WDR87: variants seen among roughly 807,000 people sequenced by gnomAD.
WDR87 encodes WD repeat domain 87, also known as WD repeat-containing protein 87.
In WDR87, 56 loss-of-function variants were observed where a neutral mutation model predicts 83.3. The observed-to-expected ratio is 0.67, with a 90% confidence interval of 0.54 to 0.84. WDR87 has a LOEUF of 0.84. WDR87 is among the 40% of genes least tolerant of loss of function. The probability of loss-of-function intolerance (pLI) is 0.00; values close to 1 mark genes in which losing one functional copy is unlikely to be tolerated. For synonymous variants in WDR87, 1,173 were observed against 1,250.6 expected (o/e 0.94, Z 1.31); for missense variants, 2,939 against 3,431.9 (o/e 0.86, Z 3.59).
chr19:37,902,042 A>C (rs2046296922), intron 1 of WDR87, among the ~76,000 whole-genome samples: 1 of 147,818 alleles, frequency 6.8e-6, no homozygotes, highest in African/African-American at 2.5e-5. Context: ...TTATTTATTT[A>C]TTTATTTATT....
Position 37,889,228 on chromosome 19 carries a change from G to T in WDR87, c.4443C>A (p.Val1481=). 1 of 1,551,892 alleles carries T rather than the reference G, an allele frequency of 6.4e-7. No individual in the cohort carries two copies. The highest frequency in any genetic ancestry group is 8.7e-7 in the Non-Finnish European group (1 of 1,147,078). The change falls in exon 6 of 6, where the codon GTC becomes GTA. Residue 1481 remains valine (V), a synonymous_variant. Transcript: ENST00000447313. ...EEMATLEEKV[V]KQEGKLVMIE... is the part of the protein sequence containing the mutation. Reference sequence around the variant, plus strand: ...TCATAACCAGTTTTCCTTCTTGTTTGACCACTTTCTCCTCTAGTGTGGCCA... The same window carrying T: ...TCATAACCAGTTTTCCTTCTTGTTTTACCACTTTCTCCTCTAGTGTGGCCA...
chr19:37,885,920 C>T lies in WDR87; in HGVS notation c.7751G>A (p.Gly2584Asp). ...GAGCAGCTGGCACAGTCTATGGAAA[C>T]CATCCCTGGAAAGCTGTTCTCCCGC... ...MEAGEQLSRD[G>D]FHRLCQLLKD... is the part of the protein sequence containing the mutation. Residue 2584 changes from glycine (G) to aspartate (D), a missense_variant, in exon 6 of 6, where the codon GGT becomes GAT. Physicochemically the swap from Gly to Asp is moderately conservative, Grantham distance 94. Around this residue, in one of 3 missense-constraint regions of WDR87, gnomAD observed 2,160 missense variants for 2,533.1 expected, o/e 0.85. Transcript: ENST00000447313. 2 of 1,552,294 alleles carry T rather than the reference C, an allele frequency of 1.3e-6. No homozygotes were observed. Among genetic ancestry groups the T allele is most frequent in the Non-Finnish European group, 1.7e-6 (2 of 1,147,136 alleles).
At chr19:37,899,044 G>A (rs767441996) in intron 1 of WDR87, among the ~76,000 whole-genome samples, 1 of 151,912 alleles carries the variant, frequency 6.6e-6, no homozygotes, top group Non-Finnish European at 1.5e-5. Flanking sequence ...TGAGATTAAG[G>A]CCCATCAATC....
At chr19:37,897,204 G>GTTTTT (rs397859251) in intron 2 of WDR87, among the ~76,000 whole-genome samples, 5 of 115,268 alleles carry the variant, frequency 4.3e-5, no homozygotes, top group East Asian at 2.6e-4. Flanking sequence ...CTGGGATCCT[G>GTTTTT]TTTTTTTTTT....
chr19:37,889,677 G>C lies in WDR87; in HGVS notation c.3994C>G (p.Leu1332Val), dbSNP rs2046186180. Residue 1332 changes from leucine to valine, a missense_variant, in exon 6 of 6, where the codon CTA (leucine) becomes GTA (valine). By Grantham distance (32) the Leu-to-Val change is conservative. Transcript: ENST00000447313. Reference sequence around the variant, plus strand: ...AGAACCTTACTTTCTTTCTTCAATAGGGGGCAGATCTCCTGAAAGAGTTCC... The same window carrying C: ...AGAACCTTACTTTCTTTCTTCAATACGGGGCAGATCTCCTGAAAGAGTTCC... ...SWELFQEICP[L>V]LKKESKVLLE... The C allele has an allele frequency of 1.9e-6, 3 of 1,551,772 alleles. No homozygotes were observed. In the East Asian group the frequency reaches 7.3e-5, roughly 38 times the overall value.
intron 4 of WDR87, 128 bp from the exon 5 acceptor site, chr19:37,891,948 G>T: frequency 3.6e-6 from 4 of 1,096,032 alleles, no homozygotes; most frequent in Non-Finnish European, 3.8e-6. Flanking sequence ...CATATGCAGA[G>T]GAAAATAATG....
intron 2 of WDR87, among the ~76,000 whole-genome samples, chr19:37,896,927 A>G (rs993853205): frequency 7.2e-5 from 11 of 151,950 alleles, no homozygotes; most frequent in African/African-American, 1.4e-4. Flanking sequence ...GCCCCCTCTA[A>G]CATTCTCGCT....
Position 37,891,561 on chromosome 19 carries a change from T to G in WDR87, c.3385A>C (p.Lys1129Gln), listed in dbSNP as rs746644723. ...ATTACCCCTTACATACTATGCTTTT[T>G]GACCCCTGCTTGGCCTCGTCTTTGG... ...KGQRRGQAGVKKHSQKWLRGL... is the reference protein window; with the variant it reads ...KGQRRGQAGVQKHSQKWLRGL... Residue 1129 changes from lysine to glutamine, a missense_variant, in exon 5 of 6, where the codon AAA (lysine) becomes CAA (glutamine). Lys to Gln is a moderately conservative substitution (Grantham distance 53). Coordinates refer to ENST00000447313, the MANE Select transcript of WDR87 (RefSeq NM_001291088.2). 2 of 1,552,216 alleles carry G rather than the reference T, an allele frequency of 1.3e-6. No homozygotes were observed. Among genetic ancestry groups the G allele is most frequent in the South Asian group, 2.4e-5 (2 of 84,056 alleles).
Position 37,888,736 on chromosome 19 carries a change from CTCTTCTTGTGCAAGTTTCTCT to C in WDR87, c.4914_4934del (p.Glu1639_Glu1645del). 6.4e-7 allele frequency: 1 copy of C among 1,551,902 alleles called. No homozygotes were observed. Among genetic ancestry groups the C allele is most frequent in the Non-Finnish European group, 8.7e-7 (1 of 1,147,086 alleles). On this transcript the variant is annotated inframe_deletion, in exon 6 of 6. Coordinates refer to ENST00000447313, the MANE Select transcript of WDR87 (RefSeq NM_001291088.2). Reference sequence around the variant, plus strand: ...TTCTCTCTTCCTGGGCCAACTGTCTCTCTTCTTGTGCAAGTTTCTCTTCTTCTTGTGCTAATTTCCTCTCTT... The same window carrying C: ...TTCTCTCTTCCTGGGCCAACTGTCTCTCTTCTTGTGCTAATTTCCTCTCTT...
rs1464463675 is a variant in WDR87, at chr19:37,893,979, T to G, written c.1724A>C (p.Glu575Ala). 1.4e-5 allele frequency: 21 copies of G among 1,551,670 alleles called. No homozygotes were observed. The highest frequency in any genetic ancestry group is 8.7e-7 in the Non-Finnish European group (1 of 1,147,024). ...LLPKSVGAIT[E>A]TNCLRLWKFH... ...CTTCCAGAGACGCAGGCAGTTTGTC[T>G]CTGTGATGGCACCCACAGACTTGGG... The change falls in exon 4 of 6, where the codon GAG becomes GCG. Residue 575 changes from glutamate (E) to alanine (A), a missense_variant. Glu to Ala is a moderately radical substitution (Grantham distance 107). This residue lies in a region of WDR87 where 553 missense variants were observed against 577.9 expected (regional missense o/e 0.96). Transcript: ENST00000447313.
Position 37,894,159 on chromosome 19 carries a change from C to T in WDR87, c.1544G>A (p.Gly515Glu), listed in dbSNP as rs763392800. 2.4e-5 allele frequency: 37 copies of T among 1,552,160 alleles called. No individual in the cohort carries two copies. Among genetic ancestry groups the T allele is most frequent in the Middle Eastern group, 3.3e-4 (2 of 6,020 alleles). ...AVLALSTLSG[G>E]IFGGQGNSLL... ...AGAGTTTCCTTGGCCACCAAAAATC[C>T]CTCCAGACAGCGTGGAGAGTGCCAG... is the stretch of plus-strand genomic sequence containing the variant. Residue 515 changes from glycine (G) to glutamate (E), a missense_variant, in exon 4 of 6, where the codon GGG (glycine) becomes GAG (glutamate). Gly to Glu is a moderately conservative substitution (Grantham distance 98). Transcript: ENST00000447313.
Position 37,893,418 on chromosome 19 carries a change from C to G in WDR87, c.2285G>C (p.Arg762Pro). The stretch of plus-strand genomic sequence containing the variant: ...CTGCAAAGAATAATGCATGGAGGAA[C>G]GCAGTAACACTGGGCTCCCTTCCTC... ...EDEEGSPVLL[R>P]SSMHYSLQDM... The change falls in exon 4 of 6, where the codon CGT (arginine) becomes CCT (proline). Residue 762 changes from arginine to proline, a missense_variant. By Grantham distance (103) the Arg-to-Pro change is moderately radical. Transcript: ENST00000447313. 1 of 1,552,144 alleles carries G rather than the reference C, an allele frequency of 6.4e-7. No homozygotes were observed. Among genetic ancestry groups the G allele is most frequent in the South Asian group, 1.2e-5 (1 of 84,064 alleles).
At chr19:37,892,286 C>T (rs1471092922) in intron 4 of WDR87, among the ~76,000 whole-genome samples, 2 of 151,910 alleles carry the variant, frequency 1.3e-5, no homozygotes, top group Non-Finnish European at 2.9e-5. Flanking sequence ...CAGAAGGCTA[C>T]GGCAGGAGGA....
At chr19:37,905,432 C>G (rs115959865) in intron 1 of WDR87, among the ~76,000 whole-genome samples, 2,058 of 150,716 alleles carry the variant, frequency 0.014, 40 homozygotes, top group African/African-American at 0.047. Context: ...GAGTTCAATA[C>G]CAGCCTGGGC....
intron 1 of WDR87, among the ~76,000 whole-genome samples, chr19:37,905,608 G>C (rs1599777606): frequency 6.6e-6 from 1 of 151,200 alleles, no homozygotes; most frequent in African/African-American, 2.4e-5. Context: ...TGTCGCCCAA[G>C]CTGGAGGGCA....
chr19:37,889,128 TCCTTGTCTCA>T lies in WDR87; in HGVS notation c.4533_4542del (p.Glu1512AsnfsTer41). ...TCTTCCTTCCATGCCTTCCAGGATT[TCCTTGTCTCA>T]CCATGGACCTGTTTCCACTCATCCC... On this transcript the variant is annotated frameshift_variant, in exon 6 of 6. Transcript: ENST00000447313. LOFTEE classifies it low-confidence loss of function (END_TRUNC). 6.4e-7 allele frequency: 1 copy of T among 1,552,364 alleles called. No homozygotes were observed. Among genetic ancestry groups the T allele is most frequent in the East Asian group, 2.4e-5 (1 of 40,916 alleles).
intron 1 of WDR87, among the ~76,000 whole-genome samples, chr19:37,900,704 G>A (rs2046288238): frequency 6.6e-6 from 1 of 151,976 alleles, no homozygotes; most frequent in Non-Finnish European, 1.5e-5. Context: ...CTGGCTGGCA[G>A]CACACACCAT....
intron 2 of WDR87, 72 bp downstream of exon 2, chr19:37,898,093 T>C: frequency 2.0e-6 from 3 of 1,520,444 alleles, no homozygotes; most frequent in Non-Finnish European, 2.7e-6. Flanking sequence ...CTGTGGCTCT[T>C]CTGAAATGCT....
In WDR87 at chr19:37,896,183, G is replaced by T. The variant is rs139124107; in HGVS notation, c.201C>A (p.Phe67Leu). 3 of 1,552,362 alleles carry T rather than the reference G, an allele frequency of 1.9e-6. No individual in the cohort carries two copies. The highest frequency in any genetic ancestry group is 1.7e-4 in the Middle Eastern group (1 of 5,998). ...CVCYYFSDAH[F>L]FASLSWVTSN... ...ATGTCACCCAAGAGAGGGAGGCGAA[G>T]AAGTGGGCATCACTGAAGTAATAGC... Residue 67 changes from phenylalanine (F) to leucine (L), a missense_variant, in exon 3 of 6, where the codon TTC (phenylalanine) becomes TTA (leucine). Physicochemically the swap from Phe to Leu is conservative, Grantham distance 22. Transcript: ENST00000447313.
Sources: allele counts gnomAD v4.1 joint callset (sites outside exome capture counted in the v4.1 genomes callset), GRCh38; gene constraint gnomAD v4.1.1; regional missense constraint gnomAD v4.1.1; transcripts MANE v1.5; gene names NCBI Gene and HGNC (gene_info 2026-07-23, HGNC 2026-07-21).